ANOS1: variants seen among roughly 807,000 people sequenced by gnomAD.
ANOS1 encodes the protein anosmin 1, also known as anosmin-1.
ANOS1 carries 6 observed loss-of-function variants against 59.0 expected under a neutral mutation model. The ratio of observed to expected loss-of-function variants is 0.10; its 90% CI spans 0.06 to 0.20. The LOEUF is 0.20. ANOS1 is among the 10% of genes least tolerant of loss of function. The pLI is 1.00. For synonymous variants in ANOS1, 217 were observed against 223.4 expected (o/e 0.97, Z 0.25); for missense variants, 433 against 542.3 (o/e 0.80, Z 2.00).
At position 8,699,656 on chromosome X, in the gene ANOS1, TAA is replaced by T. The variant is rs1458299084; in HGVS notation, c.255+40_255+41del. ...TGTGAATCTATAATTATTCCAAAATTAAAAGTTTTTTGCACCATTCATACAGG... is the reference window on the plus strand; with the variant it reads ...TGTGAATCTATAATTATTCCAAAATTAAGTTTTTTGCACCATTCATACAGG... On this transcript the variant is annotated intron_variant, in intron 2 of 13. Transcript: ENST00000262648. 4 of 1,073,314 alleles carry T rather than the reference TAA, an allele frequency of 3.7e-6. No individual in the cohort carries two copies. The East Asian group carries it at 9.5e-5, about 26-fold the overall frequency. 88.5% of individuals were successfully genotyped at this position (1,073,314 alleles called of 1,213,427 possible). A position where few individuals can be genotyped will look rare whatever the true frequency, so the allele number is the denominator to read the frequency against.
intron 2 of ANOS1, among the ~76,000 whole-genome samples, chrX:8,635,077 T>G (rs1931550809): frequency 9.0e-6 from 1 of 111,039 alleles, no homozygotes; most frequent in Non-Finnish European, 1.9e-5. Context: ...CCAGGTAAGC[T>G]CCAGGGTGAC....
chrX:8,587,005 A>T lies in ANOS1; in HGVS notation c.726+789T>A, dbSNP rs552350210. ...CCTTGGAAAAAATGATCTAATCAACATAAGGTGAGATTTTTTTTCCTATAG... is the reference window on the plus strand; with the variant it reads ...CCTTGGAAAAAATGATCTAATCAACTTAAGGTGAGATTTTTTTTCCTATAG... On this transcript the variant is annotated intron_variant, in intron 5 of 13. Transcript: ENST00000262648. 3.2e-3 allele frequency among the ~76,000 whole-genome samples: 352 copies of T among 109,533 alleles called. 5 individuals carry two copies. The highest frequency in any genetic ancestry group is 0.011 in the African/African-American group (334 of 30,235).
At chrX:8,710,678 C>T (rs1184842769) in intron 1 of ANOS1, among the ~76,000 whole-genome samples, 2 of 112,035 alleles carry the variant, frequency 1.8e-5, no homozygotes, top group Non-Finnish European at 3.8e-5. Context: ...CATGTTACTC[C>T]GCTATGCTGA....
chrX:8,552,393 A>G (rs1342319047), intron 9 of ANOS1, among the ~76,000 whole-genome samples: 1 of 112,480 alleles, frequency 8.9e-6, no homozygotes, highest in East Asian at 2.8e-4. Context: ...CACTGGTACT[A>G]TTCTTAATAG....
chrX:8,585,518 G>T, intron 5 of ANOS1, 122 bp from the exon 6 acceptor site: 1 of 761,315 alleles, frequency 1.3e-6, no homozygotes, highest in Non-Finnish European at 2.0e-6. Context: ...TCTTCCCCCT[G>T]ATAAGAGGGG....
chrX:8,565,133 T>C lies in ANOS1; in HGVS notation c.1207+3099A>G, dbSNP rs1930089291. On this transcript the variant is annotated intron_variant, in intron 8 of 13. Transcript: ENST00000262648. Reference sequence around the variant, plus strand: ...AAGGACAAGTTGAAGTCGGACTTTTTTTCTCCTTGCTTTTGGTTCTGGAAA... The same window carrying C: ...AAGGACAAGTTGAAGTCGGACTTTTCTTCTCCTTGCTTTTGGTTCTGGAAA... Among the ~76,000 whole-genome samples, 5 of 112,099 alleles carry C rather than the reference T, an allele frequency of 4.5e-5. No individual in the cohort carries two copies. In the South Asian group the frequency reaches 1.9e-3, roughly 42 times the overall value.
At position 8,537,749 on chromosome X, in the gene ANOS1, C is replaced by CGTGTGTGT. The variant is rs202035920; in HGVS notation, c.1450-815_1450-808dup. On this transcript the variant is annotated intron_variant, in intron 10 of 13. Transcript: ENST00000262648. ...ACATAGTGAGACTCCATGGTTTTTA[C>CGTGTGTGT]GTGTGTGTGTGTGTGTGTGTGTGTG... Among the ~76,000 whole-genome samples the CGTGTGTGT allele has an allele frequency of 9.4e-4, 89 of 94,734 alleles. 1 individual carries two copies. Among genetic ancestry groups the CGTGTGTGT allele is most frequent in the African/African-American group, 3.0e-3 (79 of 26,015 alleles). 82.3% of individuals were successfully genotyped at this position (94,734 alleles called of 115,157 possible). A position where few individuals can be genotyped will look rare whatever the true frequency, so the allele number is the denominator to read the frequency against.
intron 3 of ANOS1, among the ~76,000 whole-genome samples, chrX:8,607,980 T>C (rs1272703410): frequency 9.0e-6 from 1 of 111,653 alleles, no homozygotes; most frequent in African/African-American, 3.3e-5. Flanking sequence ...TCATCAATAC[T>C]GATGATTTAG....
chrX:8,652,438 T>G (rs757866061), intron 2 of ANOS1, among the ~76,000 whole-genome samples: 1 of 111,459 alleles, frequency 9.0e-6, no homozygotes, highest in Admixed American at 9.5e-5. Context: ...CTCTACTGAG[T>G]CCTCAACACC....
intron 3 of ANOS1, among the ~76,000 whole-genome samples, chrX:8,623,144 C>T (rs1046368998): frequency 9.0e-6 from 1 of 110,736 alleles, no homozygotes; most frequent in Non-Finnish European, 1.9e-5. Context: ...AAGTAAGATG[C>T]CTCCTGTACA....
At chrX:8,708,247 CTT>C (rs900754583) in intron 1 of ANOS1, among the ~76,000 whole-genome samples, 2 of 110,885 alleles carry the variant, frequency 1.8e-5, no homozygotes, top group African/African-American at 6.6e-5. Flanking sequence ...AAACAAAAAA[CTT>C]TAGGGGGAAG....
chrX:8,715,246 A>G (rs764905630), intron 1 of ANOS1, among the ~76,000 whole-genome samples: 56 of 111,103 alleles, frequency 5.0e-4, no homozygotes, highest in African/African-American at 1.6e-3. Flanking sequence ...ATCTTATCCT[A>G]TGCATCATAC....
intron 2 of ANOS1, among the ~76,000 whole-genome samples, chrX:8,644,814 A>C (rs1416159642): frequency 8.9e-6 from 1 of 112,694 alleles, no homozygotes; most frequent in Non-Finnish European, 1.9e-5. Context: ...CAATCAGGAA[A>C]TCTTTGAACC....
chrX:8,589,142 G>GA (rs1488953743), intron 4 of ANOS1, among the ~76,000 whole-genome samples: 1 of 112,239 alleles, frequency 8.9e-6, no homozygotes, highest in Non-Finnish European at 1.9e-5. Flanking sequence ...TCTTGTTTAC[G>GA]AAAATTTTAA....
In ANOS1 at chrX:8,555,157, A is replaced by G. The variant is rs187535185; in HGVS notation, c.1208-1059T>C. 7.4e-4 allele frequency among the ~76,000 whole-genome samples: 83 copies of G among 111,795 alleles called. 2 individuals carry two copies. In the East Asian group the frequency reaches 0.014, roughly 19 times the overall value. ...GGGTAAATAATGAAATTCAGGCAGA[A>G]ATAAATAAGTTTTTTGAAACCAATG... On this transcript the variant is annotated intron_variant, in intron 8 of 13. Coordinates refer to ENST00000262648, the MANE Select transcript of ANOS1 (RefSeq NM_000216.4).
intron 8 of ANOS1, among the ~76,000 whole-genome samples, chrX:8,556,284 C>T (rs750716374): frequency 1.7e-3 from 190 of 108,932 alleles, no homozygotes; most frequent in South Asian, 0.01. Context: ...GACAAGGATG[C>T]CCTCTCTCAC....
At chrX:8,634,252 G>A (rs190240330) in intron 2 of ANOS1, among the ~76,000 whole-genome samples, 2 of 110,393 alleles carry the variant, frequency 1.8e-5, no homozygotes, top group Non-Finnish European at 3.8e-5. Context: ...GATTATAAGT[G>A]TATGTGTGTG....
chrX:8,622,636 A>T (rs1931313041), intron 3 of ANOS1, among the ~76,000 whole-genome samples: 1 of 111,401 alleles, frequency 9.0e-6, no homozygotes, highest in African/African-American at 3.3e-5. Flanking sequence ...GACTCTTTTG[A>T]CTCATTCTCT....
At chrX:8,646,497 T>C (rs1347557754) in intron 2 of ANOS1, among the ~76,000 whole-genome samples, 1 of 110,931 alleles carries the variant, frequency 9.0e-6, no homozygotes. Context: ...TGAAAATAAA[T>C]GTGAACGCTA....
Sources: allele counts gnomAD v4.1 joint callset (sites outside exome capture counted in the v4.1 genomes callset), GRCh38; gene constraint gnomAD v4.1.1; transcripts MANE v1.5; gene names NCBI Gene and HGNC (gene_info 2026-07-23, HGNC 2026-07-21).